The following TRPM2 variants were observed in gnomAD, a reference collection of about 807,000 sequenced individuals.
The protein encoded by TRPM2 is transient receptor potential cation channel subfamily M member 2, also known as estrogen-responsive element-associated gene 1 protein.
Under a neutral mutation model 174.0 loss-of-function variants are expected in TRPM2, and 161 were observed. The observed-to-expected ratio is 0.93, with a 90% CI of 0.81 to 1.05. TRPM2 has a LOEUF of 1.05. TRPM2 is among the 50% of genes least tolerant of loss of function. The probability of loss-of-function intolerance (pLI) is 0.00; values close to 1 mark genes in which losing one functional copy is unlikely to be tolerated. For missense variants in TRPM2, 2,057 were observed against 2,038.0 expected, an observed-to-expected ratio of 1.01 and a Z score of -0.18; for synonymous variants, 954 against 861.3, an observed-to-expected ratio of 1.11 and a Z score of -1.88.
At chr21:44,351,376 G>T (rs1467801089), upstream of TRPM2, among the ~76,000 whole-genome samples, 1 of 152,186 alleles carries the variant, frequency 6.6e-6, no homozygotes, top group East Asian at 1.9e-4. Flanking sequence ...GGGCTCCACT[G>T]CCCCCTTTCT....
chr21:44,440,295 C>T (rs2051447550), intron 30 of TRPM2, among the ~76,000 whole-genome samples: 1 of 7,534 alleles, frequency 1.3e-4, no homozygotes. Flanking sequence ...GAGGTTGCAC[C>T]ACTGCGCTCA....
At chr21:44,372,713 G>C (rs556584868) in intron 5 of TRPM2, among the ~76,000 whole-genome samples, 19 of 152,274 alleles carry the variant, frequency 1.2e-4, no homozygotes, top group African/African-American at 3.6e-4. Context: ...CATTCCCAAT[G>C]GGGGAACACG....
chr21:44,410,496 A>G (rs1257937247), intron 19 of TRPM2, among the ~76,000 whole-genome samples: 70 of 56,952 alleles, frequency 1.2e-3, no homozygotes, highest in African/African-American at 3.4e-3. Context: ...TTTTGACCGC[A>G]CTGTCTTGGC....
At position 44,395,485 on chromosome 21, in the gene TRPM2, C is replaced by A. The variant is rs2146256214; in HGVS notation, c.1866C>A (p.Ile622=). The A allele has an allele frequency of 1.2e-6, 2 of 1,613,142 alleles. No homozygotes were observed. The highest frequency in any genetic ancestry group is 2.7e-5 in the African/African-American group (2 of 75,062). Residue 622 remains isoleucine, a synonymous_variant, in exon 12 of 32, where the codon ATC becomes ATA. Coordinates refer to ENST00000397928, the MANE Select transcript of TRPM2 (RefSeq NM_003307.4). The stretch of plus-strand genomic sequence containing the variant: ...ATGTGACCTTCACCATGGACCCCAT[C>A]CGTGACCTTCTCATTTGGGCCATTG... ...SGHVTFTMDP[I]RDLLIWAIVQ... is the part of the protein sequence containing the mutation.
chr21:44,405,740 C>T lies in TRPM2; in HGVS notation c.2658-165C>T, dbSNP rs45566836. On this transcript the variant is annotated intron_variant, in intron 17 of 31. Transcript: ENST00000397928. The stretch of plus-strand genomic sequence containing the variant: ...CTGAAGAAAAGTGGGAGGCTCTATT[C>T]CTCAATCTCATGCCAGCTTTGAACA... Among the ~76,000 whole-genome samples, 181 of 152,256 alleles carry T rather than the reference C, an allele frequency of 1.2e-3. 1 individual carries two copies. In the East Asian group the frequency reaches 0.032, roughly 27 times the overall value.
rs1426910749 is a variant in TRPM2, at chr21:44,376,355, C to T, written c.952+342C>T. On this transcript the variant is annotated intron_variant, in intron 6 of 31. Coordinates refer to ENST00000397928, the MANE Select transcript of TRPM2 (RefSeq NM_003307.4). The surrounding 1 kb of genome is among the most constrained non-coding windows in gnomAD (Gnocchi z 4.2). Reference sequence around the variant, plus strand: ...TTGCCCATTTTAGCCAGTGGGAGGGCGGTCTGGGGGGCTGGCAGCTCACCT... The same window carrying T: ...TTGCCCATTTTAGCCAGTGGGAGGGTGGTCTGGGGGGCTGGCAGCTCACCT... 1.3e-5 allele frequency among the ~76,000 whole-genome samples: 2 copies of T among 152,216 alleles called. No homozygotes were observed. Among genetic ancestry groups the T allele is most frequent in the East Asian group, 1.9e-4 (1 of 5,170 alleles).
intron 9 of TRPM2, among the ~76,000 whole-genome samples, chr21:44,388,846 CA>C (rs1368924441): frequency 6.6e-6 from 1 of 151,936 alleles, no homozygotes. Flanking sequence ...AAAACAAAAA[CA>C]AAAACAACCC....
At chr21:44,419,764 G>GTGA in intron 22 of TRPM2, among the ~76,000 whole-genome samples, 1 of 4,656 alleles carries the variant, frequency 2.1e-4, no homozygotes, top group African/African-American at 8.2e-4. Flanking sequence ...GGCAGTGGTG[G>GTGA]TGGTGGTGGT....
rs1569029952 is a variant in TRPM2, at chr21:44,373,637, C to CATTATATGCGACCT, written c.772-2196_772-2195insATTATATGCGACCT. Among the ~76,000 whole-genome samples the CATTATATGCGACCT allele has an allele frequency of 1.2e-4, 17 of 137,672 alleles. 1 individual carries two copies. Among genetic ancestry groups the CATTATATGCGACCT allele is most frequent in the African/African-American group, 5.0e-4 (16 of 32,020 alleles). The allele number at this position is 137,672 out of a possible 152,430, so 90.3% of individuals were successfully genotyped here. ...TATGCGACCTGCATTATATGCGACC[C>CATTATATGCGACCT]GGATAGGCTGAGAATTTCCCACATC... is the stretch of plus-strand genomic sequence containing the variant. On this transcript the variant is annotated intron_variant, in intron 5 of 31. Coordinates refer to ENST00000397928, the MANE Select transcript of TRPM2 (RefSeq NM_003307.4).
rs1043695302 is a variant in TRPM2 at position 44,377,925 on chromosome 21, T to C, written c.1014+152T>C. ...GAAGAGAAAGAGCATCTACGCTGTG[T>C]CGGGGCTGCTTCTGGGTGGGTGGAG... On this transcript the variant is annotated intron_variant, in intron 7 of 31. Transcript: ENST00000397928. 3 of 942,284 alleles carry C rather than the reference T, an allele frequency of 3.2e-6. No homozygotes were observed. The Admixed American group carries it at 7.2e-5, about 23-fold the overall frequency. 58.4% of individuals were successfully genotyped at this position (942,284 alleles called of 1,614,324 possible). A position where few individuals can be genotyped will look rare whatever the true frequency, so the allele number is the denominator to read the frequency against.
chr21:44,436,950 C>T lies in TRPM2; in HGVS notation c.4062-112C>T, dbSNP rs2146419115. On this transcript the variant is annotated intron_variant, in intron 28 of 31. Coordinates refer to ENST00000397928, the MANE Select transcript of TRPM2 (RefSeq NM_003307.4). ...AACTTGAAAAAGAACACGGTTTGAG[C>T]CTGCAGTGGGCCTGACACTGCCCCG... 3 of 834,280 alleles carry T rather than the reference C, an allele frequency of 3.6e-6. No homozygotes were observed. The South Asian group carries it at 4.9e-5, about 14-fold the overall frequency. 51.7% of individuals were successfully genotyped at this position (834,280 alleles called of 1,614,324 possible). A position where few individuals can be genotyped will look rare whatever the true frequency, so the allele number is the denominator to read the frequency against.
At chr21:44,404,300 A>G (rs1388553949) in intron 16 of TRPM2, among the ~76,000 whole-genome samples, 1 of 151,636 alleles carries the variant, frequency 6.6e-6, no homozygotes, top group Non-Finnish European at 1.5e-5. Flanking sequence ...ATATACATGC[A>G]CACATACATG....
Position 44,383,660 on chromosome 21 carries a change from A to G in TRPM2, c.1318+840A>G, listed in dbSNP as rs185638793. Reference sequence around the variant, plus strand: ...TCTCAATAGATTTAAGATAGATATTATACAAATTATCTTCTCTGACAACAA... The same window carrying G: ...TCTCAATAGATTTAAGATAGATATTGTACAAATTATCTTCTCTGACAACAA... On this transcript the variant is annotated intron_variant, in intron 9 of 31. Coordinates refer to ENST00000397928, the MANE Select transcript of TRPM2 (RefSeq NM_003307.4). Among the ~76,000 whole-genome samples the G allele has an allele frequency of 9.0e-4, 137 of 152,356 alleles. 1 individual carries two copies. Among genetic ancestry groups the G allele is most frequent in the African/African-American group, 3.2e-3 (134 of 41,588 alleles).
At chr21:44,426,142 C>A (rs549260065) in intron 25 of TRPM2, among the ~76,000 whole-genome samples, 4 of 143,672 alleles carry the variant, frequency 2.8e-5, no homozygotes, top group Non-Finnish European at 6.1e-5. Flanking sequence ...CCAGGTCATG[C>A]CCTGGTCCTA....
chr21:44,375,915 T>C lies in TRPM2; in HGVS notation c.854T>C (p.Ile285Thr), dbSNP rs370474452. Residue 285 changes from isoleucine (I) to threonine (T), a missense_variant, in exon 6 of 32, where the codon ATC (isoleucine) becomes ACC (threonine). Transcript: ENST00000397928. ...CTAGACAGCAACCACTCTCACTTCA[T>C]CCTCGTGGACGACGGGACCCACGGC... ...TCLDSNHSHF[I>T]LVDDGTHGQY... The C allele has an allele frequency of 1.2e-6, 2 of 1,614,074 alleles. No homozygotes were observed. The highest frequency in any genetic ancestry group is 1.7e-6 in the Non-Finnish European group (2 of 1,180,002).
At position 44,391,460 on chromosome 21, in the gene TRPM2, T is replaced by C. The variant is rs1556314; in HGVS notation, c.1629T>C (p.Asp543=). 1 of 1,612,842 alleles carries C rather than the reference T, an allele frequency of 6.2e-7. No individual in the cohort carries two copies. Reference sequence around the variant, plus strand: ...AGCTGCAGAAGGTGCTGGTGGAGGATCCCGAGCGCCCGGCTTGCGCGCCCG... The same window carrying C: ...AGCTGCAGAAGGTGCTGGTGGAGGACCCCGAGCGCCCGGCTTGCGCGCCCG... The part of the protein sequence containing the change: ...HSKLQKVLVE[D]PERPACAPAA... The change falls in exon 11 of 32, where the codon GAT becomes GAC. Residue 543 remains aspartate, a synonymous_variant. Transcript: ENST00000397928. This position sits in a 1 kb window ranked among gnomAD's most constrained non-coding sequence, Gnocchi z 5.0.
At position 44,427,619 on chromosome 21, in the gene TRPM2, G is replaced by T. The variant is rs193200845; in HGVS notation, c.3974+508G>T. 2.4e-4 allele frequency among the ~76,000 whole-genome samples: 36 copies of T among 152,324 alleles called. No homozygotes were observed. In the East Asian group the frequency reaches 6.8e-3, roughly 29 times the overall value. The stretch of plus-strand genomic sequence containing the variant: ...TGCCCTGGAAGGAAGGAGCCTGGGA[G>T]TCTTGGACCCTGCCATGAGGAGGAG... On this transcript the variant is annotated intron_variant, in intron 27 of 31. Coordinates refer to ENST00000397928, the MANE Select transcript of TRPM2 (RefSeq NM_003307.4).
intron 12 of TRPM2, among the ~76,000 whole-genome samples, chr21:44,397,107 C>T (rs1268080033): frequency 6.6e-6 from 1 of 151,168 alleles, no homozygotes; most frequent in Non-Finnish European, 1.5e-5. Flanking sequence ...GGCACAATCT[C>T]GGCTCACTGC....
intron 5 of TRPM2, among the ~76,000 whole-genome samples, chr21:44,371,000 G>A (rs1048336380): frequency 3.3e-5 from 5 of 152,200 alleles, no homozygotes; most frequent in Non-Finnish European, 5.9e-5. Context: ...TCTGTCTCCC[G>A]GGGCTGCTGT....
Sources: gnomAD v4.1 joint callset for allele counts (sites outside exome capture counted in the v4.1 genomes callset) on GRCh38, gnomAD v4.1.1 for gene constraint, Gnocchi (gnomAD v3.1) non-coding constraint, MANE v1.5 for transcripts, NCBI Gene and HGNC (gene_info 2026-07-23, HGNC 2026-07-21) for gene names.